Variants in SLC17A1 observed in about 807,000 individuals in gnomAD.
SLC17A1 encodes sodium-dependent phosphate transport protein 1.
SLC17A1 carries 51 observed loss-of-function variants against 53.5 expected under a neutral mutation model. That is an observed-to-expected ratio of 0.95 (90% CI 0.76 to 1.20). The LOEUF (loss-of-function observed/expected upper bound fraction) is 1.20, where lower values mean the gene tolerates loss of function less well. Ranked by LOEUF, SLC17A1 falls within the 50% of genes most tolerant of loss-of-function variation. The probability of loss-of-function intolerance (pLI) is 0.00; values close to 1 mark genes in which losing one functional copy is unlikely to be tolerated. For missense variants in SLC17A1, 538 were observed against 568.2 expected, an observed-to-expected ratio of 0.95 and a Z score of 0.54; for synonymous variants, 179 against 198.8, an observed-to-expected ratio of 0.90 and a Z score of 0.84.
intron 6 of SLC17A1, among the ~76,000 whole-genome samples, chr6:25,815,113 T>C (rs185580402): frequency 8.3e-5 from 12 of 145,168 alleles, no homozygotes; most frequent in Non-Finnish European, 1.1e-4. Flanking sequence ...AGGTGTGATA[T>C]ACATGTAAAG....
At chr6:25,731,916 T>A in the SLC17A1 span, 1 of 1,602,282 alleles carries the variant, frequency 6.2e-7, no homozygotes, top group Admixed American at 1.7e-5. Flanking sequence ...CTTGTCATAA[T>A]GCGCCAGGCG....
At chr6:25,819,936 T>G (rs751619155) in intron 3 of SLC17A1, 21 bp from the exon 4 acceptor site, 1 of 1,497,690 alleles carries the variant, frequency 6.7e-7, no homozygotes, top group East Asian at 2.3e-5. Context: ...AGGGGGGACA[T>G]GTCGAATCAC....
At position 25,798,826 on chromosome 6, in the gene SLC17A1, T is replaced by C; in HGVS notation, c.1363A>G (p.Ile455Val). ...TGTTTTTCTTTAGCCCAGTCCTGAA[T>C]TTCTGCTGTAGCAACTATAAGGTAG... is the stretch of plus-strand genomic sequence containing the variant. ...IFYLIVATAE[I>V]QDWAKEKQHT... The change falls in exon 12 of 13, where the codon ATT (isoleucine) becomes GTT (valine). Residue 455 changes from isoleucine (I) to valine (V), a missense_variant. Physicochemically the swap from Ile to Val is conservative, Grantham distance 29. Transcript: ENST00000244527. The C allele has an allele frequency of 1.2e-6, 2 of 1,610,254 alleles. No homozygotes were observed. Among genetic ancestry groups the C allele is most frequent in the Non-Finnish European group, 1.7e-6 (2 of 1,177,516 alleles).
intron 3 of SLC17A1, among the ~76,000 whole-genome samples, chr6:25,824,680 T>C (rs1476843204): frequency 1.3e-5 from 2 of 151,798 alleles, no homozygotes; most frequent in Admixed American, 6.6e-5. Flanking sequence ...GCTATTAAAA[T>C]AGTTTTTTCA....
At chr6:25,776,138 C>T in the SLC17A1 span, among the ~76,000 whole-genome samples, 2 of 134,310 alleles carry the variant, frequency 1.5e-5, no homozygotes, top group Non-Finnish European at 3.5e-5. Context: ...AGTGTTAGCA[C>T]AGAGCATGCC....
intron 6 of SLC17A1, among the ~76,000 whole-genome samples, chr6:25,817,973 A>G (rs895865309): frequency 3.9e-5 from 6 of 152,166 alleles, no homozygotes; most frequent in African/African-American, 9.7e-5. Flanking sequence ...GATGGAAGAC[A>G]TGTTTTCAGA....
chr6:25,813,101 G>A lies in SLC17A1; in HGVS notation c.729C>T (p.Val243=), dbSNP rs990275031. ...ATGGAGAACTGTGTTCTACCTGCTGGACCAGGGAGGATGTGATGTATTCCT... is the reference window on the plus strand; with the variant it reads ...ATGGAGAACTGTGTTCTACCTGCTGAACCAGGGAGGATGTGATGTATTCCT... ...SEKEYITSSL[V]QQVSSSRQSL... is the part of the protein sequence containing the mutation. The change falls in exon 7 of 13, where the codon GTC becomes GTT. Residue 243 remains valine, a synonymous_variant. Transcript: ENST00000244527. 3 of 1,613,642 alleles carry A rather than the reference G, an allele frequency of 1.9e-6. No homozygotes were observed. In the East Asian group the frequency reaches 6.7e-5, roughly 36 times the overall value.
the SLC17A1 span, among the ~76,000 whole-genome samples, chr6:25,725,165 A>G: frequency 1.4e-3 from 220 of 152,164 alleles, 2 homozygotes; most frequent in East Asian, 0.018. Flanking sequence ...TCAACAAACT[A>G]TTTTGCCTCT....
At chr6:25,802,025 T>G (rs1763793331) in intron 10 of SLC17A1, among the ~76,000 whole-genome samples, 1 of 152,208 alleles carries the variant, frequency 6.6e-6, no homozygotes, top group Non-Finnish European at 1.5e-5. Context: ...GTTTTTCATT[T>G]CAGCAATAGA....
At chr6:25,830,673 T>G (rs2151512147) in intron 1 of SLC17A1, 66 bp from the exon 2 acceptor site, 4 of 1,027,062 alleles carry the variant, frequency 3.9e-6, no homozygotes, top group South Asian at 1.5e-5. Context: ...CACTACCCAG[T>G]ACTCCTCTCT....
the SLC17A1 span, among the ~76,000 whole-genome samples, chr6:25,738,553 A>G: frequency 3.9e-4 from 59 of 152,278 alleles, no homozygotes; most frequent in Non-Finnish European, 6.9e-4. Context: ...AAAAAAAAGT[A>G]AAAGCTTTTG....
chr6:25,744,981 T>C, the SLC17A1 span, among the ~76,000 whole-genome samples: 2 of 149,302 alleles, frequency 1.3e-5, no homozygotes, highest in Non-Finnish European at 3.0e-5. Context: ...AGTTTTGACA[T>C]ACTTTCATTT....
chr6:25,727,287 A>G, the SLC17A1 span: 1 of 1,595,614 alleles, frequency 6.3e-7, no homozygotes, highest in Non-Finnish European at 8.6e-7. Flanking sequence ...CACCAGCTCC[A>G]AGTAAGCCTG....
the SLC17A1 span, among the ~76,000 whole-genome samples, chr6:25,740,791 G>A: frequency 6.6e-6 from 1 of 152,140 alleles, no homozygotes; most frequent in Non-Finnish European, 1.5e-5. Flanking sequence ...TCCATCAATG[G>A]ATGACTGGAA....
intron 12 of SLC17A1, among the ~76,000 whole-genome samples, chr6:25,795,585 T>C (rs1029154848): frequency 6.6e-6 from 1 of 152,098 alleles, no homozygotes; most frequent in Non-Finnish European, 1.5e-5. Flanking sequence ...TAACTGCAGT[T>C]GGATTGAAGT....
At chr6:25,816,432 A>T (rs1466965453) in intron 6 of SLC17A1, among the ~76,000 whole-genome samples, 1 of 152,254 alleles carries the variant, frequency 6.6e-6, no homozygotes, top group Non-Finnish European at 1.5e-5. Context: ...TAAGCAAGAC[A>T]TTCCAGGCAT....
intron 12 of SLC17A1, among the ~76,000 whole-genome samples, chr6:25,788,422 T>C (rs1314483625): frequency 6.6e-6 from 1 of 152,140 alleles, no homozygotes; most frequent in Admixed American, 6.5e-5. Flanking sequence ...GCTTAATGGC[T>C]AACCTGGGGA....
At chr6:25,773,774 G>C in the SLC17A1 span, 1 of 1,308,624 alleles carries the variant, frequency 7.6e-7, no homozygotes, top group Non-Finnish European at 1.0e-6. Context: ...CAAAATCGGG[G>C]GATTAGGACC....
chr6:25,796,773 T>C (rs1763610564), intron 12 of SLC17A1, among the ~76,000 whole-genome samples: 1 of 152,238 alleles, frequency 6.6e-6, no homozygotes, highest in Non-Finnish European at 1.5e-5. Context: ...TTGGATTTTC[T>C]AAGTAGACAA....
Sources: gnomAD v4.1 joint callset for allele counts (sites outside exome capture counted in the v4.1 genomes callset) on GRCh38, gnomAD v4.1.1 for gene constraint, MANE v1.5 for transcripts, NCBI Gene and HGNC (gene_info 2026-07-23, HGNC 2026-07-21) for gene names.